FGFR2: variants seen among roughly 807,000 people sequenced by gnomAD.
The protein encoded by FGFR2 is BEK fibroblast growth factor receptor.
A neutral mutation model predicts 95.9 loss-of-function variants in FGFR2; 19 were observed. The observed-to-expected ratio is 0.20, with a 90% CI of 0.14 to 0.29. FGFR2 has a LOEUF of 0.29. FGFR2 is among the 10% of genes least tolerant of loss of function. FGFR2 has a pLI of 1.00. For synonymous variants in FGFR2, 392 were observed against 393.3 expected, an observed-to-expected ratio of 1.00 and a Z score of 0.04; for missense variants, 707 against 1,056.9, an observed-to-expected ratio of 0.67 and a Z score of 4.59.
chr10:121,508,708 G>A (rs1848634761), intron 9 of FGFR2, among the ~76,000 whole-genome samples: 1 of 152,240 alleles, frequency 6.6e-6, no homozygotes, highest in African/African-American at 2.4e-5. Flanking sequence ...GAAGTACGGA[G>A]ATTCAGATTA....
chr10:121,592,365 T>C (rs1862786512), intron 2 of FGFR2, among the ~76,000 whole-genome samples: 1 of 152,170 alleles, frequency 6.6e-6, no homozygotes, highest in African/African-American at 2.4e-5. Flanking sequence ...AATCGGCCTG[T>C]AGCTGTAGCT....
intron 4 of FGFR2, among the ~76,000 whole-genome samples, chr10:121,555,197 A>T (rs61561425): frequency 0.064 from 9,693 of 152,116 alleles, 990 homozygotes; most frequent in African/African-American, 0.22. Context: ...ACATGGTGAA[A>T]CCCCGTCTCC....
At chr10:121,481,323 A>G (rs1327490624) in intron 17 of FGFR2, among the ~76,000 whole-genome samples, 1 of 152,156 alleles carries the variant, frequency 6.6e-6, no homozygotes, top group East Asian at 1.9e-4. Context: ...TGCAGACCAC[A>G]GCACAAACAG....
intron 9 of FGFR2, among the ~76,000 whole-genome samples, chr10:121,505,482 G>GT (rs1564891847): frequency 6.6e-6 from 1 of 152,176 alleles, no homozygotes; most frequent in African/African-American, 2.4e-5. Flanking sequence ...TGGTCAAAAT[G>GT]TTTTAAAAGC....
At chr10:121,580,194 A>G (rs1176546721) in intron 2 of FGFR2, among the ~76,000 whole-genome samples, 1 of 152,220 alleles carries the variant, frequency 6.6e-6, no homozygotes, top group Admixed American at 6.5e-5. Context: ...TTATTCCAGG[A>G]GGGCAAGGCT....
At chr10:121,578,458 G>A (rs981556461) in intron 2 of FGFR2, among the ~76,000 whole-genome samples, 2 of 152,206 alleles carry the variant, frequency 1.3e-5, no homozygotes, top group African/African-American at 4.8e-5. Context: ...CAGCCTCTAG[G>A]ACATGCACAG....
chr10:121,537,039 G>A (rs930141267), intron 6 of FGFR2, among the ~76,000 whole-genome samples: 3 of 152,112 alleles, frequency 2.0e-5, no homozygotes, highest in Non-Finnish European at 4.4e-5. Flanking sequence ...CAACACAAAT[G>A]TTAATCATTT....
intron 2 of FGFR2, among the ~76,000 whole-genome samples, chr10:121,592,289 T>C (rs1197396800): frequency 1.3e-5 from 2 of 152,256 alleles, no homozygotes; most frequent in Admixed American, 6.5e-5. Context: ...CCTGTAAAAA[T>C]GCATCACCAC....
chr10:121,592,455 G>C (rs375924294), intron 2 of FGFR2, among the ~76,000 whole-genome samples: 32 of 152,230 alleles, frequency 2.1e-4, no homozygotes, highest in African/African-American at 6.3e-4. Flanking sequence ...GTTAATTATA[G>C]AGCTGCCATC....
At chr10:121,546,915 G>A (rs1451366884) in intron 5 of FGFR2, among the ~76,000 whole-genome samples, 1 of 152,168 alleles carries the variant, frequency 6.6e-6, no homozygotes, top group Non-Finnish European at 1.5e-5. Flanking sequence ...TTGACATTTT[G>A]CTTCTTCATT....
chr10:121,540,692 G>T (rs1202820260), intron 5 of FGFR2, among the ~76,000 whole-genome samples: 1 of 152,146 alleles, frequency 6.6e-6, no homozygotes, highest in Non-Finnish European at 1.5e-5. Flanking sequence ...GTAACTTAGG[G>T]ATGTAGCCAC....
intron 1 of FGFR2, chr10:121,594,209 G>A: frequency 2.4e-6 from 1 of 423,882 alleles, no homozygotes; most frequent in Non-Finnish European, 4.4e-6. Context: ...TAAAACAGTA[G>A]CTACAGGACT....
chr10:121,557,034 T>C (rs1856258259), intron 4 of FGFR2, among the ~76,000 whole-genome samples: 1 of 152,208 alleles, frequency 6.6e-6, no homozygotes, highest in Admixed American at 6.5e-5. Context: ...GGGGTATGTC[T>C]GTGGCTTTGA....
chr10:121,572,763 A>G (rs1859019711), intron 2 of FGFR2, among the ~76,000 whole-genome samples: 1 of 152,188 alleles, frequency 6.6e-6, no homozygotes, highest in African/African-American at 2.4e-5. Flanking sequence ...AGGACCTCTG[A>G]CTGGGGAGAG....
chr10:121,497,163 GAA>G, intron 12 of FGFR2, among the ~76,000 whole-genome samples: 1 of 145,818 alleles, frequency 6.9e-6, no homozygotes, highest in Middle Eastern at 3.6e-3. Context: ...GAAGAAAAAA[GAA>G]AAAGTTTTAA....
intron 6 of FGFR2, chr10:121,526,876 C>T: frequency 2.5e-6 from 1 of 397,668 alleles, no homozygotes; most frequent in Non-Finnish European, 4.4e-6. Flanking sequence ...GGATATCTGA[C>T]TCTCGGAAGT....
At chr10:121,593,144 G>C (rs1862921781) in intron 2 of FGFR2, among the ~76,000 whole-genome samples, 1 of 152,250 alleles carries the variant, frequency 6.6e-6, no homozygotes, top group East Asian at 1.9e-4. Context: ...ACCTAAACTA[G>C]AATCTGCCAC....
Position 121,598,365 on chromosome 10 carries a change from C to T in FGFR2, c.-554G>A. 1.0e-5 allele frequency: 2 copies of T among 197,514 alleles called. No individual in the cohort carries two copies. The highest frequency in any genetic ancestry group is 2.0e-5 in the Non-Finnish European group (2 of 98,222). The allele number at this position is 197,514 out of a possible 1,614,324, so 12.2% of individuals were successfully genotyped here. A position where few individuals can be genotyped will look rare whatever the true frequency, so the allele number is the denominator to read the frequency against. ...ACGCCGCATGCAGCCCCGCGGCGCC[C>T]GAGCTTTGTGGCGGCCGCGCGCGCT... On this transcript the variant is annotated 5_prime_UTR_variant, in exon 1 of 18. Coordinates refer to ENST00000358487, the MANE Select transcript of FGFR2 (RefSeq NM_000141.5).
Position 121,551,174 on chromosome 10 carries a change from CGCACCACG to C in FGFR2, c.624+108_624+115del, listed in dbSNP as rs1415779396. On this transcript the variant is annotated intron_variant, in intron 5 of 17. Coordinates refer to ENST00000358487, the MANE Select transcript of FGFR2 (RefSeq NM_000141.5). ...GATGGAGGTTGCAGTGAACCGAGAT[CGCACCACG>C]GCACTCCAGCCTGGGCGACAGAGCG... is the stretch of plus-strand genomic sequence containing the variant. 4 of 1,195,922 alleles carry C rather than the reference CGCACCACG, an allele frequency of 3.3e-6. No homozygotes were observed. In the South Asian group the frequency reaches 5.1e-5, roughly 15 times the overall value. The allele number at this position is 1,195,922 out of a possible 1,614,324, so 74.1% of individuals were successfully genotyped here. A position where few individuals can be genotyped will look rare whatever the true frequency, so the allele number is the denominator to read the frequency against.
Sources: gnomAD v4.1 joint callset for allele counts (sites outside exome capture counted in the v4.1 genomes callset) on GRCh38, gnomAD v4.1.1 for gene constraint, MANE v1.5 for transcripts, NCBI Gene and HGNC (gene_info 2026-07-23, HGNC 2026-07-21) for gene names.